Variants in CRACDL observed in about 807,000 individuals in gnomAD.
The protein encoded by CRACDL is CRACD like, also known as CRACD-like protein.
In CRACDL, 26 loss-of-function variants were observed where a neutral mutation model predicts 70.6. The ratio of observed to expected loss-of-function variants is 0.37; its 90% CI spans 0.27 to 0.51. The LOEUF (loss-of-function observed/expected upper bound fraction) is 0.51, where lower values mean the gene tolerates loss of function less well. Ranked by LOEUF, CRACDL falls within the 20% of genes least tolerant of loss-of-function variation. CRACDL has a pLI of 0.94. For synonymous variants in CRACDL, 618 were observed against 615.2 expected, an observed-to-expected ratio of 1.00 and a Z score of -0.07; for missense variants, 1,283 against 1,376.9, an observed-to-expected ratio of 0.93 and a Z score of 1.08.
intron 1 of CRACDL, among the ~76,000 whole-genome samples, chr2:98,851,047 T>G (rs1301743150): frequency 1.3e-5 from 2 of 152,240 alleles, no homozygotes; most frequent in Admixed American, 6.5e-5. Flanking sequence ...TAATTATGTA[T>G]GAAAGCTTTA....
chr2:98,817,544 T>C (rs1704834055), intron 7 of CRACDL, among the ~76,000 whole-genome samples: 1 of 152,126 alleles, frequency 6.6e-6, no homozygotes, highest in South Asian at 2.1e-4. Context: ...GGCTGTGACA[T>C]ACAAAGACAA....
intron 7 of CRACDL, among the ~76,000 whole-genome samples, chr2:98,798,326 G>C (rs1395294554): frequency 2.0e-5 from 3 of 151,706 alleles, no homozygotes; most frequent in Non-Finnish European, 4.4e-5. Flanking sequence ...GCCTGGACAA[G>C]AGTGACACTC....
At chr2:98,805,143 G>A (rs1291554481) in intron 7 of CRACDL, among the ~76,000 whole-genome samples, 1 of 152,142 alleles carries the variant, frequency 6.6e-6, no homozygotes, top group Non-Finnish European at 1.5e-5. Context: ...CCTGCTGAAA[G>A]GGGACACGGC....
intron 1 of CRACDL, among the ~76,000 whole-genome samples, chr2:98,864,552 T>TC (rs1311365716): frequency 6.6e-6 from 1 of 151,914 alleles, no homozygotes; most frequent in Non-Finnish European, 1.5e-5. Flanking sequence ...TGTACCCTTT[T>TC]TTTTTTTTTT....
At chr2:98,867,474 T>C (rs998816929) in intron 1 of CRACDL, among the ~76,000 whole-genome samples, 2 of 152,124 alleles carry the variant, frequency 1.3e-5, no homozygotes, top group Admixed American at 6.5e-5. Flanking sequence ...TACACATTCA[T>C]TGAGGTGAAT....
At chr2:98,814,997 G>T (rs1250559569) in intron 7 of CRACDL, among the ~76,000 whole-genome samples, 1 of 151,752 alleles carries the variant, frequency 6.6e-6, no homozygotes, top group Non-Finnish European at 1.5e-5. Flanking sequence ...TGAATATATA[G>T]CCACTCCAGC....
chr2:98,872,813 C>T (rs746481174), intron 1 of CRACDL, among the ~76,000 whole-genome samples: 2 of 152,080 alleles, frequency 1.3e-5, no homozygotes, highest in African/African-American at 4.8e-5. Context: ...TTTTTATTTT[C>T]GTAAAGCTCT....
At chr2:98,927,896 C>T (rs1184609329) in intron 1 of CRACDL, among the ~76,000 whole-genome samples, 1 of 152,028 alleles carries the variant, frequency 6.6e-6, no homozygotes, top group Non-Finnish European at 1.5e-5. Flanking sequence ...AAAGGTAGCT[C>T]ATGGCCAGGT....
intron 1 of CRACDL, among the ~76,000 whole-genome samples, chr2:98,892,182 C>T (rs892970685): frequency 1.3e-5 from 2 of 152,286 alleles, no homozygotes; most frequent in Non-Finnish European, 2.9e-5. Flanking sequence ...AATTCCACCT[C>T]TGGGAATCTA....
intron 1 of CRACDL, among the ~76,000 whole-genome samples, chr2:98,908,904 T>A (rs181923072): frequency 6.6e-6 from 1 of 152,194 alleles, no homozygotes; most frequent in Non-Finnish European, 1.5e-5. Flanking sequence ...GTCCCTATAT[T>A]TATTTGTATC....
chr2:98,838,052 A>G, intron 3 of CRACDL, 67 bp downstream of exon 3: 1 of 1,376,348 alleles, frequency 7.3e-7, no homozygotes, highest in South Asian at 1.5e-5. Flanking sequence ...AAATCCAGCA[A>G]GTTACCAGGA....
chr2:98,877,413 C>A (rs1707513303), intron 1 of CRACDL, among the ~76,000 whole-genome samples: 1 of 152,148 alleles, frequency 6.6e-6, no homozygotes, highest in Non-Finnish European at 1.5e-5. Context: ...TTCCTATCAC[C>A]TAGTGATGTT....
intron 1 of CRACDL, among the ~76,000 whole-genome samples, chr2:98,925,527 A>C (rs530847758): frequency 9.2e-5 from 14 of 152,318 alleles, no homozygotes; most frequent in African/African-American, 3.4e-4. Flanking sequence ...TAGCCACAAC[A>C]GTACTGAAAC....
At chr2:98,804,528 C>T (rs72827741) in intron 7 of CRACDL, among the ~76,000 whole-genome samples, 3,132 of 152,266 alleles carry the variant, frequency 0.021, 64 homozygotes, top group East Asian at 0.093. Context: ...AGCTCTTACA[C>T]CGTATACAGT....
intron 1 of CRACDL, among the ~76,000 whole-genome samples, chr2:98,933,263 C>T (rs1425252016): frequency 6.6e-6 from 1 of 152,134 alleles, no homozygotes; most frequent in Non-Finnish European, 1.5e-5. Flanking sequence ...ACCAGATGAC[C>T]AGTCAGGGCC....
At chr2:98,902,457 G>C (rs1708306131) in intron 1 of CRACDL, among the ~76,000 whole-genome samples, 1 of 152,170 alleles carries the variant, frequency 6.6e-6, no homozygotes, top group Non-Finnish European at 1.5e-5. Context: ...TCAATATGAA[G>C]TGGGCTCCCC....
At chr2:98,838,310 TAATA>T in intron 2 of CRACDL, 23 bp from the exon 3 acceptor site, 2 of 1,403,258 alleles carry the variant, frequency 1.4e-6, no homozygotes, top group Non-Finnish European at 2.0e-6. Flanking sequence ...GAGAAAAAAA[TAATA>T]AATAAGACTG....
intron 1 of CRACDL, among the ~76,000 whole-genome samples, chr2:98,927,015 T>C (rs74426103): frequency 0.044 from 6,739 of 152,292 alleles, 171 homozygotes; most frequent in East Asian, 0.078. Context: ...GAACTATTTG[T>C]GTGTGGCTTC....
chr2:98,811,064 T>G (rs1704535097), intron 7 of CRACDL, among the ~76,000 whole-genome samples: 2 of 152,080 alleles, frequency 1.3e-5, no homozygotes, highest in African/African-American at 4.8e-5. Flanking sequence ...AGGATCCACG[T>G]GCCTAGATAT....
Sources: gnomAD v4.1 joint callset for allele counts (sites outside exome capture counted in the v4.1 genomes callset) on GRCh38, gnomAD v4.1.1 for gene constraint, MANE v1.5 for transcripts, NCBI Gene and HGNC (gene_info 2026-07-23, HGNC 2026-07-21) for gene names.